Variants in SORL1 observed in about 807,000 individuals in gnomAD.
SORL1 encodes sortilin-related receptor.
In SORL1, 127 loss-of-function variants were observed where a neutral mutation model predicts 273.7. The observed-to-expected ratio is 0.46, with a 90% CI of 0.40 to 0.54. The LOEUF is 0.54. SORL1 is among the 20% of genes least tolerant of loss of function. The probability of loss-of-function intolerance (pLI) is 0.00; values close to 1 mark genes in which losing one functional copy is unlikely to be tolerated. For missense variants in SORL1, 2,494 were observed against 2,846.1 expected (o/e 0.88, Z 2.81); for synonymous variants, 1,031 against 1,067.4 (o/e 0.97, Z 0.66).
At chr11:121,583,363 A>G in intron 25 of SORL1, 95 bp from the exon 26 acceptor site, 1 of 1,411,158 alleles carries the variant, frequency 7.1e-7, no homozygotes, top group South Asian at 1.5e-5. Flanking sequence ...CCTTATTCCT[A>G]CCTCATGCAA....
chr11:121,561,773 T>C (rs1021114346), intron 21 of SORL1, among the ~76,000 whole-genome samples: 10 of 151,676 alleles, frequency 6.6e-5, no homozygotes, highest in Non-Finnish European at 1.2e-4. Context: ...CGGCTGTGAC[T>C]GTCCCTTTGG....
At chr11:121,616,706 G>A (rs1301503486) in intron 41 of SORL1, among the ~76,000 whole-genome samples, 1 of 151,966 alleles carries the variant, frequency 6.6e-6, no homozygotes, top group African/African-American at 2.4e-5. Context: ...CTCTGTCTGT[G>A]TTCTCCCATC....
chr11:121,533,171 A>G (rs1014118865), intron 12 of SORL1, among the ~76,000 whole-genome samples: 5 of 152,140 alleles, frequency 3.3e-5, no homozygotes, highest in Non-Finnish European at 7.3e-5. Flanking sequence ...CAATAATAAT[A>G]ATAATAATAC....
chr11:121,563,738 G>A lies in SORL1; in HGVS notation c.3050-3202G>A, dbSNP rs1862711347. On this transcript the variant is annotated intron_variant, in intron 21 of 47. Transcript: ENST00000260197. The surrounding 1 kb of genome is among the most constrained non-coding windows in gnomAD (Gnocchi z 4.2). Reference sequence around the variant, plus strand: ...ATGGTATAACTGGAATTTATTCTTTGTAAAGTGTGTTTTTTCTTTAAAGAG... The same window carrying A: ...ATGGTATAACTGGAATTTATTCTTTATAAAGTGTGTTTTTTCTTTAAAGAG... Among the ~76,000 whole-genome samples, 1 of 152,164 alleles carries A rather than the reference G, an allele frequency of 6.6e-6. No individual in the cohort carries two copies. Among genetic ancestry groups the A allele is most frequent in the African/African-American group, 2.4e-5 (1 of 41,434 alleles).
chr11:121,586,244 C>T lies in SORL1; in HGVS notation c.3729C>T (p.Arg1243=). Reference sequence around the variant, plus strand: ...CAGAGAAGAAGTGCAATGGATTCCGCTGCCCAAACGGCACTTGCATCCCAT... The same window carrying T: ...CAGAGAAGAAGTGCAATGGATTCCGTTGCCCAAACGGCACTTGCATCCCAT... ...VNCEKKCNGF[R]CPNGTCIPSS... The change falls in exon 27 of 48, where the codon CGC becomes CGT. Residue 1243 remains arginine (R), a synonymous_variant. Transcript: ENST00000260197. 1 of 1,613,702 alleles carries T rather than the reference C, an allele frequency of 6.2e-7. No individual in the cohort carries two copies. Among genetic ancestry groups the T allele is most frequent in the Non-Finnish European group, 8.5e-7 (1 of 1,179,620 alleles).
intron 5 of SORL1, among the ~76,000 whole-genome samples, chr11:121,490,803 T>C (rs1449661211): frequency 6.6e-6 from 1 of 150,630 alleles, no homozygotes; most frequent in Non-Finnish European, 1.5e-5. Context: ...GTCTGTTAAA[T>C]ATAAAACCTA....
chr11:121,615,320 C>G (rs929267657), intron 41 of SORL1, among the ~76,000 whole-genome samples: 1 of 152,162 alleles, frequency 6.6e-6, no homozygotes, highest in Non-Finnish European at 1.5e-5. Context: ...CGTCCCAAGG[C>G]TCTTGGCACA....
At chr11:121,606,744 C>T (rs779073628) in intron 35 of SORL1, 101 bp from the exon 36 acceptor site, 9 of 771,158 alleles carry the variant, frequency 1.2e-5, no homozygotes, top group Middle Eastern at 3.1e-4. Flanking sequence ...GTCTCAATGC[C>T]GGCTGTGGAG....
chr11:121,526,854 A>G (rs1227579271), intron 11 of SORL1, among the ~76,000 whole-genome samples: 17 of 152,144 alleles, frequency 1.1e-4, no homozygotes, highest in Admixed American at 1.0e-3. Flanking sequence ...GTAAGCAATC[A>G]TACCATTTGC....
chr11:121,492,579 T>A (rs1461546264), intron 5 of SORL1, among the ~76,000 whole-genome samples: 1 of 152,202 alleles, frequency 6.6e-6, no homozygotes, highest in Non-Finnish European at 1.5e-5. Flanking sequence ...AGGACTTTTG[T>A]AAGTTTTGTG....
chr11:121,607,219 G>A lies in SORL1; in HGVS notation c.5095G>A (p.Ala1699Thr). The A allele has an allele frequency of 6.2e-7, 1 of 1,612,066 alleles. No individual in the cohort carries two copies. Residue 1699 changes from alanine to threonine, a missense_variant, in exon 37 of 48, where the codon GCC becomes ACC. By Grantham distance (58) the Ala-to-Thr change is moderately conservative (BLOSUM62 0). Around this residue, in one of 3 missense-constraint regions of SORL1, gnomAD observed 1,609 missense variants for 1,816.4 expected, o/e 0.89. Coordinates refer to ENST00000260197, the MANE Select transcript of SORL1 (RefSeq NM_003105.6). ...CAGCAGGAGTGGTTCCAAGATGTGG[G>A]CCTCCCAGAGGGCTGCTAGTAACTT... ...EYSRSGSKMWASQRAASNFTE... is the reference protein window; with the variant it reads ...EYSRSGSKMWTSQRAASNFTE...
At chr11:121,557,502 C>T in intron 19 of SORL1, 97 bp downstream of exon 19, 5 of 944,524 alleles carry the variant, frequency 5.3e-6, no homozygotes, top group Non-Finnish European at 6.8e-6. Context: ...CTCTGTTTCT[C>T]ATGATGGTGG....
chr11:121,468,332 A>G (rs756563830), intron 1 of SORL1, among the ~76,000 whole-genome samples: 7 of 152,148 alleles, frequency 4.6e-5, no homozygotes, highest in African/African-American at 7.2e-5. Flanking sequence ...GGCTGGTGGA[A>G]TAGGCTTCTC....
chr11:121,522,384 T>G (rs996993823), intron 9 of SORL1, among the ~76,000 whole-genome samples: 3 of 152,198 alleles, frequency 2.0e-5, no homozygotes, highest in Non-Finnish European at 4.4e-5. Context: ...TGTTCTCTTC[T>G]TCCACGGGAC....
intron 1 of SORL1, among the ~76,000 whole-genome samples, chr11:121,457,537 C>A (rs1009361274): frequency 6.6e-6 from 1 of 152,196 alleles, no homozygotes; most frequent in African/African-American, 2.4e-5. Flanking sequence ...ATGAGATTAA[C>A]TTTAGCTCTA....
At position 121,558,633 on chromosome 11, in the gene SORL1, T is replaced by C; in HGVS notation, c.2706T>C (p.Ile902=). The part of the protein sequence containing the change: ...WTDWGDLKPG[I]YRSNMDGSAA... ...ACTGGGGAGACCTGAAGCCTGGGAT[T>C]TATCGGAGCAATATGGATGGTTCTG... is the stretch of plus-strand genomic sequence containing the variant. The change falls in exon 20 of 48, where the codon ATT becomes ATC. Residue 902 remains isoleucine (I), a synonymous_variant. Coordinates refer to ENST00000260197, the MANE Select transcript of SORL1 (RefSeq NM_003105.6). 6.2e-7 allele frequency: 1 copy of C among 1,614,070 alleles called. No individual in the cohort carries two copies. The highest frequency in any genetic ancestry group is 2.2e-5 in the East Asian group (1 of 44,884).
Position 121,513,811 on chromosome 11 carries a change from G to A in SORL1, c.1042-341G>A, listed in dbSNP as rs139059299. 3.9e-3 allele frequency among the ~76,000 whole-genome samples: 591 copies of A among 152,324 alleles called. 6 individuals are homozygous for A. The highest frequency in any genetic ancestry group is 0.012 in the African/African-American group (488 of 41,568). ...CACCTTAGGAAAAATAAAGGGAAGT[G>A]CATTAACCCGTATTGTACTTTGTAC... On this transcript the variant is annotated intron_variant, in intron 7 of 47. Transcript: ENST00000260197.
At position 121,558,781 on chromosome 11, in the gene SORL1, C is replaced by G. The variant is rs1862631067; in HGVS notation, c.2854C>G (p.Gln952Glu). 1.2e-6 allele frequency: 2 copies of G among 1,614,178 alleles called. No individual in the cohort carries two copies. Among genetic ancestry groups the G allele is most frequent in the Admixed American group, 3.3e-5 (2 of 60,028 alleles). ...CIERITFSGQ[Q>E]RSVILDNLPH... is the part of the protein sequence containing the mutation. ...AGAGCGGATCACGTTCAGTGGCCAG[C>G]AGCGCTCTGTCATTCTGGACAACCT... The change falls in exon 20 of 48, where the codon CAG (glutamine) becomes GAG (glutamate). Residue 952 changes from glutamine to glutamate, a missense_variant. Physicochemically the swap from Gln to Glu is conservative, Grantham distance 29 (BLOSUM62 2). This residue lies in a region of SORL1 where 1,609 missense variants were observed against 1,816.4 expected (regional missense o/e 0.89). Transcript: ENST00000260197.
chr11:121,516,715 G>A (rs1008239593), intron 8 of SORL1, among the ~76,000 whole-genome samples: 3 of 152,000 alleles, frequency 2.0e-5, no homozygotes, highest in East Asian at 3.9e-4. Flanking sequence ...GGTCAGTGGC[G>A]GACCCTACCT....
Sources: gnomAD v4.1 joint callset for allele counts (sites outside exome capture counted in the v4.1 genomes callset) on GRCh38, gnomAD v4.1.1 for gene constraint, gnomAD v4.1.1 regional missense constraint, Gnocchi (gnomAD v3.1) non-coding constraint, MANE v1.5 for transcripts, NCBI Gene and HGNC (gene_info 2026-07-23, HGNC 2026-07-21) for gene names.